Variants in ZNF280B observed in about 807,000 individuals in gnomAD.
The protein encoded by ZNF280B is zinc finger protein 280B.
Under a neutral mutation model 38.0 loss-of-function variants are expected in ZNF280B, and 16 were observed. The ratio of observed to expected loss-of-function variants is 0.42; its 90% confidence interval spans 0.28 to 0.64. ZNF280B has a LOEUF of 0.64. ZNF280B is among the 30% of genes least tolerant of loss of function. The pLI, the probability that ZNF280B is intolerant of heterozygous loss-of-function variation, is 0.21. For missense variants in ZNF280B, 581 were observed against 639.6 expected, an observed-to-expected ratio of 0.91 and a Z score of 0.99; for synonymous variants, 253 against 230.6, an observed-to-expected ratio of 1.10 and a Z score of -0.88.
Position 22,488,073 on chromosome 22 carries a change from T to C in ZNF280B, c.1326A>G (p.Lys442=). The C allele has an allele frequency of 6.2e-7, 1 of 1,613,948 alleles. No homozygotes were observed. Among genetic ancestry groups the C allele is most frequent in the Non-Finnish European group, 8.5e-7 (1 of 1,179,974 alleles). The change falls in exon 4 of 4, where the codon AAA becomes AAG. Residue 442 remains lysine, a synonymous_variant. Coordinates refer to ENST00000626650, the MANE Select transcript of ZNF280B (RefSeq NM_080764.4). The part of the protein sequence containing the change: ...LLCPFCLKIF[K]TATPYMCHYR... The stretch of plus-strand genomic sequence containing the variant: ...AATGACACATGTATGGTGTTGCTGT[T>C]TTGAAAATTTTGAGACAAAAGGGAC...
chr22:22,493,434 A>C (rs950018621), intron 3 of ZNF280B, among the ~76,000 whole-genome samples: 19 of 152,032 alleles, frequency 1.2e-4, no homozygotes, highest in Non-Finnish European at 2.9e-5. Context: ...CTTTCTGCTA[A>C]AACTGACTTA....
In ZNF280B at chr22:22,487,704, T is replaced by C; in HGVS notation, c.*63A>G. 7.1e-7 allele frequency: 1 copy of C among 1,407,210 alleles called. No individual in the cohort carries two copies. The highest frequency in any genetic ancestry group is 9.6e-7 in the Non-Finnish European group (1 of 1,043,360). 87.2% of individuals were successfully genotyped at this position (1,407,210 alleles called of 1,614,324 possible). A position where few individuals can be genotyped will look rare whatever the true frequency, so the allele number is the denominator to read the frequency against. ...ACTGAATAATGTATGGTTTGTATTT[T>C]TTGTTTTATGAGGTTTTTTAATTTG... is the stretch of plus-strand genomic sequence containing the variant. On this transcript the variant is annotated 3_prime_UTR_variant, in exon 4 of 4. Transcript: ENST00000626650.
At chr22:22,490,384 C>T (rs1030607292) in intron 3 of ZNF280B, among the ~76,000 whole-genome samples, 19 of 151,990 alleles carry the variant, frequency 1.3e-4, no homozygotes, top group African/African-American at 4.6e-4. Context: ...ACACTACCAA[C>T]CCCACATACT....
intron 3 of ZNF280B, among the ~76,000 whole-genome samples, chr22:22,492,801 G>T (rs972870506): frequency 6.6e-6 from 1 of 150,968 alleles, no homozygotes; most frequent in Admixed American, 6.6e-5. Context: ...CAGGAGAATC[G>T]CTTGAATCCA....
chr22:22,491,585 G>C (rs546425656), intron 3 of ZNF280B, among the ~76,000 whole-genome samples: 1 of 151,096 alleles, frequency 6.6e-6, no homozygotes, highest in Admixed American at 6.6e-5. Flanking sequence ...CAGCCTCCAG[G>C]GTAGCTGGGA....
intron 2 of ZNF280B, among the ~76,000 whole-genome samples, chr22:22,496,012 GC>G (rs1253903159): frequency 1.3e-5 from 2 of 150,926 alleles, no homozygotes; most frequent in Non-Finnish European, 2.9e-5. Flanking sequence ...CACCATGTTG[GC>G]CAGGCTGGTC....
At chr22:22,501,896 T>C (rs916488478) in intron 2 of ZNF280B, among the ~76,000 whole-genome samples, 5 of 151,228 alleles carry the variant, frequency 3.3e-5, no homozygotes, top group African/African-American at 1.2e-4. Context: ...CGTGATCACA[T>C]CACTGCACTA....
In ZNF280B at chr22:22,485,844, CA is replaced by C. The variant is rs1391759832; in HGVS notation, c.*1922del. 1.3e-5 allele frequency: 2 copies of C among 151,972 alleles called. No homozygotes were observed. The highest frequency in any genetic ancestry group is 2.4e-5 in the African/African-American group (1 of 41,368). 9.4% of individuals were successfully genotyped at this position (151,972 alleles called of 1,614,324 possible). ...AAGACAGGCTGCTGGGCACCTTGGT[CA>C]GGGGTGGAGGAACAAAGGATGGCAC... On this transcript the variant is annotated 3_prime_UTR_variant, in exon 4 of 4. Transcript: ENST00000626650.
intron 2 of ZNF280B, among the ~76,000 whole-genome samples, chr22:22,496,849 G>A (rs567030345): frequency 5.6e-5 from 8 of 144,006 alleles, no homozygotes; most frequent in Admixed American, 2.9e-4. Flanking sequence ...TGGGAGTCTC[G>A]CTCTGTCACC....
In ZNF280B at chr22:22,487,749, G is replaced by C; in HGVS notation, c.*18C>G. On this transcript the variant is annotated 3_prime_UTR_variant, in exon 4 of 4. Transcript: ENST00000626650. Reference sequence around the variant, plus strand: ...AATTTGGTTTGAAATACTTGCTTTAGATTTACTGAAACTAGAATTAATGGG... The same window carrying C: ...AATTTGGTTTGAAATACTTGCTTTACATTTACTGAAACTAGAATTAATGGG... The C allele has an allele frequency of 6.4e-7, 1 of 1,550,822 alleles. No individual in the cohort carries two copies. The highest frequency in any genetic ancestry group is 8.7e-7 in the Non-Finnish European group (1 of 1,153,544).
rs779204646 is a variant in ZNF280B at position 22,488,550 on chromosome 22, C to T, written c.849G>A (p.Val283=). 6.2e-7 allele frequency: 1 copy of T among 1,613,936 alleles called. No individual in the cohort carries two copies. The highest frequency in any genetic ancestry group is 8.5e-7 in the Non-Finnish European group (1 of 1,179,980). ...TFDPKKENPI[V]LLSDFYYGQH... ...GTCCATAGTAAAAGTCACTAAGTAA[C>T]ACAATGGGATTTTCTTTCTTGGGAT... is the stretch of plus-strand genomic sequence containing the variant. The change falls in exon 4 of 4, where the codon GTG becomes GTA. Residue 283 remains valine, a synonymous_variant. Transcript: ENST00000626650.
intron 1 of ZNF280B, among the ~76,000 whole-genome samples, chr22:22,508,209 A>T (rs1317858547): frequency 6.6e-6 from 1 of 151,926 alleles, no homozygotes; most frequent in Non-Finnish European, 1.5e-5. Context: ...AGAGACCCAT[A>T]CATTCAAATG....
intron 2 of ZNF280B, among the ~76,000 whole-genome samples, chr22:22,506,369 A>G (rs527625796): frequency 6.6e-6 from 1 of 151,878 alleles, no homozygotes; most frequent in South Asian, 2.1e-4. Context: ...TGAGAAAGAG[A>G]AGCATCCCAG....
At chr22:22,490,697 A>C (rs1383883766) in intron 3 of ZNF280B, among the ~76,000 whole-genome samples, 1 of 151,772 alleles carries the variant, frequency 6.6e-6, no homozygotes, top group East Asian at 2.0e-4. Flanking sequence ...TGAATTCCTT[A>C]TCTCAGGTGA....
In ZNF280B at chr22:22,485,376, CACACACACCCACTT is replaced by C. The variant is rs1454783532; in HGVS notation, c.*2377_*2390del. On this transcript the variant is annotated 3_prime_UTR_variant, in exon 4 of 4. Coordinates refer to ENST00000626650, the MANE Select transcript of ZNF280B (RefSeq NM_080764.4). ...CTACCTGAGACAAGAAAAACTGGCA[CACACACACCCACTT>C]GCACACACATACCCTTTCTTCAACT... 6.6e-6 allele frequency: 1 copy of C among 151,852 alleles called. No individual in the cohort carries two copies. Among genetic ancestry groups the C allele is most frequent in the African/African-American group, 2.4e-5 (1 of 41,330 alleles). The allele number at this position is 151,852 out of a possible 1,614,324, so 9.4% of individuals were successfully genotyped here. A position where few individuals can be genotyped will look rare whatever the true frequency, so the allele number is the denominator to read the frequency against.
intron 3 of ZNF280B, among the ~76,000 whole-genome samples, chr22:22,490,916 C>T (rs5751168): frequency 0.12 from 17,828 of 151,638 alleles, 1,240 homozygotes; most frequent in South Asian, 0.27. Flanking sequence ...GTGAGGTTCT[C>T]AAATATTCCA....
At chr22:22,498,891 A>G (rs971662378) in intron 2 of ZNF280B, among the ~76,000 whole-genome samples, 1 of 128,620 alleles carries the variant, frequency 7.8e-6, no homozygotes, top group African/African-American at 3.0e-5. Flanking sequence ...TCCGCCTCCC[A>G]GGTTCAGGCC....
intron 2 of ZNF280B, among the ~76,000 whole-genome samples, chr22:22,495,653 G>A (rs916376250): frequency 6.6e-6 from 1 of 151,920 alleles, no homozygotes; most frequent in African/African-American, 2.4e-5. Context: ...AGGTCAGAGA[G>A]GTAGCAAGAG....
chr22:22,487,211 G>A lies in ZNF280B; in HGVS notation c.*556C>T, dbSNP rs1399111206. 1 of 151,840 alleles carries A rather than the reference G, an allele frequency of 6.6e-6. No individual in the cohort carries two copies. Among genetic ancestry groups the A allele is most frequent in the Non-Finnish European group, 1.5e-5 (1 of 68,024 alleles). The allele number at this position is 151,840 out of a possible 1,614,324, so 9.4% of individuals were successfully genotyped here. A position where few individuals can be genotyped will look rare whatever the true frequency, so the allele number is the denominator to read the frequency against. ...CCCAGCACTTGGGGAGGCTGAGGCA[G>A]GAGGCTCCCCTAAGGTCAGGAGTTC... On this transcript the variant is annotated 3_prime_UTR_variant, in exon 4 of 4. Transcript: ENST00000626650.
Sources: allele counts gnomAD v4.1 joint callset (sites outside exome capture counted in the v4.1 genomes callset), GRCh38; gene constraint gnomAD v4.1.1; transcripts MANE v1.5; gene names NCBI Gene and HGNC (gene_info 2026-07-23, HGNC 2026-07-21).